Variants in LRRC37A2 observed in about 807,000 individuals in gnomAD.
LRRC37A2 encodes leucine rich repeat containing 37 member A2.
In LRRC37A2, 9 loss-of-function variants were observed where a neutral mutation model predicts 68.8. The observed-to-expected ratio is 0.13, with a 90% confidence interval of 0.08 to 0.23. The LOEUF is 0.23. LRRC37A2 is among the 10% of genes least tolerant of loss of function. The pLI is 1.00. For missense variants in LRRC37A2, 168 were observed against 950.4 expected (o/e 0.18, Z 10.82); for synonymous variants, 63 against 367.6 (o/e 0.17, Z 9.48).
At chr17:47,019,637 T>C in the LRRC37A2 span, 1 of 1,429,914 alleles carries the variant, frequency 7.0e-7, no homozygotes, top group African/African-American at 1.4e-5. Context: ...AAGATAAGGC[T>C]TTAACTGCAC....
At chr17:46,935,199 G>C in the LRRC37A2 span, 1 of 1,613,070 alleles carries the variant, frequency 6.2e-7, no homozygotes, top group Non-Finnish European at 8.5e-7. Context: ...ACAGAGAGAA[G>C]GCCTCTTGTT....
chr17:46,791,850 G>A, the LRRC37A2 span, among the ~76,000 whole-genome samples: 3 of 152,176 alleles, frequency 2.0e-5, no homozygotes, highest in African/African-American at 4.8e-5. Flanking sequence ...GATCAGCCTG[G>A]GCAACACAGC....
the LRRC37A2 span, chr17:46,936,965 T>TA: frequency 0.015 from 2,967 of 196,210 alleles, no homozygotes; most frequent in Non-Finnish European, 0.022. Context: ...GTGTATTTAT[T>TA]AAAAAAAAAA....
the LRRC37A2 span, among the ~76,000 whole-genome samples, chr17:46,685,207 A>G: frequency 1.4e-5 from 2 of 148,072 alleles, no homozygotes; most frequent in Non-Finnish European, 3.0e-5. Flanking sequence ...CAGTTGTGAT[A>G]GTTAACCACA....
At chr17:46,761,930 C>T in the LRRC37A2 span, among the ~76,000 whole-genome samples, 1 of 152,182 alleles carries the variant, frequency 6.6e-6, no homozygotes, top group Non-Finnish European at 1.5e-5. Flanking sequence ...CCCTTTCTAC[C>T]CAAACCCAAA....
chr17:46,543,345 G>A (rs1159970291), intron 8 of LRRC37A2, among the ~76,000 whole-genome samples: 1 of 150,664 alleles, frequency 6.6e-6, no homozygotes, highest in Non-Finnish European at 1.5e-5. Context: ...CAGTCTCAAA[G>A]ATTTGTCAGT....
chr17:47,020,807 T>G, the LRRC37A2 span, among the ~76,000 whole-genome samples: 77 of 59,142 alleles, frequency 1.3e-3, no homozygotes, highest in East Asian at 1.7e-3. Context: ...AAAAAAAAAA[T>G]AGGAGGGAAG....
At chr17:46,754,974 G>A in the LRRC37A2 span, among the ~76,000 whole-genome samples, 1 of 152,256 alleles carries the variant, frequency 6.6e-6, no homozygotes, top group African/African-American at 2.4e-5. Context: ...AGGTGAATTG[G>A]TTGTCATTTG....
At chr17:46,795,257 G>T in the LRRC37A2 span, among the ~76,000 whole-genome samples, 1 of 152,088 alleles carries the variant, frequency 6.6e-6, no homozygotes, top group Non-Finnish European at 1.5e-5. Flanking sequence ...CCACACCAGC[G>T]CATTCAGCCC....
the LRRC37A2 span, chr17:46,917,406 A>T: frequency 5.2e-5 from 8 of 152,396 alleles, no homozygotes; most frequent in Non-Finnish European, 1.0e-4. Context: ...TCCAAAACCC[A>T]ACAGGGAAAA....
chr17:46,772,157 C>T, the LRRC37A2 span, among the ~76,000 whole-genome samples: 1 of 152,200 alleles, frequency 6.6e-6, no homozygotes, highest in African/African-American at 2.4e-5. Flanking sequence ...GGTCCGGGCT[C>T]TGGGCACCGA....
At chr17:47,018,414 C>A in the LRRC37A2 span, 3 of 1,594,954 alleles carry the variant, frequency 1.9e-6, no homozygotes, top group Admixed American at 1.7e-5. Context: ...TTTAGATTCA[C>A]CCAGTGTCTC....
the LRRC37A2 span, among the ~76,000 whole-genome samples, chr17:46,784,106 G>A: frequency 6.6e-6 from 1 of 152,132 alleles, no homozygotes; most frequent in Non-Finnish European, 1.5e-5. Context: ...TGTGGCAGGG[G>A]ATGGGCCCGC....
the LRRC37A2 span, among the ~76,000 whole-genome samples, chr17:47,001,820 CA>C: frequency 1.4e-5 from 2 of 145,698 alleles, no homozygotes; most frequent in African/African-American, 5.1e-5. Context: ...CTCCCAGGTT[CA>C]ACAGATTCTC....
chr17:46,931,120 C>A, the LRRC37A2 span: 1 of 1,603,638 alleles, frequency 6.2e-7, no homozygotes, highest in Non-Finnish European at 8.5e-7. Flanking sequence ...GAAATCCAAG[C>A]AAGCATAGAC....
At chr17:46,923,088 G>A in the LRRC37A2 span, 8 of 805,264 alleles carry the variant, frequency 9.9e-6, no homozygotes, top group Admixed American at 2.0e-5. Flanking sequence ...CTGGCCGGCA[G>A]GGGAGGGAGG....
the LRRC37A2 span, among the ~76,000 whole-genome samples, chr17:46,573,045 C>T: frequency 8.7e-6 from 1 of 114,794 alleles, no homozygotes; most frequent in Non-Finnish European, 1.8e-5. Context: ...GGAAAGATGT[C>T]CCCTTAGCGG....
the LRRC37A2 span, among the ~76,000 whole-genome samples, chr17:46,389,013 C>T: frequency 3.8e-5 from 3 of 78,910 alleles, no homozygotes; most frequent in Admixed American, 1.2e-4. Flanking sequence ...CTGGCCAACA[C>T]GGCCAGCTGG....
the LRRC37A2 span, among the ~76,000 whole-genome samples, chr17:47,041,289 C>T: frequency 5.7e-3 from 25 of 4,390 alleles, no homozygotes; most frequent in African/African-American, 0.032. Context: ...ACACAAATCT[C>T]ACTGTTCTTA....
Sources: gnomAD v4.1 joint callset for allele counts (sites outside exome capture counted in the v4.1 genomes callset) on GRCh38, gnomAD v4.1.1 for gene constraint, MANE v1.5 for transcripts, NCBI Gene and HGNC (gene_info 2026-07-23, HGNC 2026-07-21) for gene names.